Variants in NOP58 observed in about 807,000 individuals in gnomAD.
NOP58 encodes NOP58 ribonucleoprotein.
In NOP58, 44 loss-of-function variants were observed where a neutral mutation model predicts 71.2. That is an observed-to-expected ratio of 0.62 (90% CI 0.49 to 0.79). The LOEUF is 0.79. NOP58 is among the 30% of genes least tolerant of loss of function. The probability of loss-of-function intolerance (pLI) is 0.00; values close to 1 mark genes in which losing one functional copy is unlikely to be tolerated. For missense variants in NOP58, 538 were observed against 620.2 expected, an observed-to-expected ratio of 0.87 and a Z score of 1.41; for synonymous variants, 228 against 200.3, an observed-to-expected ratio of 1.14 and a Z score of -1.17.
chr2:202,303,115 A>G (rs567138247), intron 14 of NOP58, 58 bp downstream of exon 14: 80 of 1,545,442 alleles, frequency 5.2e-5, no homozygotes, highest in African/African-American at 2.8e-4. Flanking sequence ...CTATATTTCA[A>G]TCTATTTTCT....
chr2:202,283,696 C>T (rs1191968457), intron 4 of NOP58, among the ~76,000 whole-genome samples: 1 of 152,054 alleles, frequency 6.6e-6, no homozygotes, highest in Non-Finnish European at 1.5e-5. Flanking sequence ...GCCTCGGCCT[C>T]CCAAAGTGCT....
intron 1 of NOP58, among the ~76,000 whole-genome samples, 153 bp from the exon 2 acceptor site, chr2:202,274,960 A>G (rs967592125): frequency 2.6e-5 from 4 of 152,096 alleles, no homozygotes; most frequent in Non-Finnish European, 5.9e-5. Context: ...TTTGACCAAA[A>G]TTACATGCAG....
In NOP58 at chr2:202,290,341, A is replaced by G. The variant is rs764458432; in HGVS notation, c.518A>G (p.Asp173Gly). Reference protein sequence around the residue: ...VQAISLLDDLDKELNNYIMRC... With the variant: ...VQAISLLDDLGKELNNYIMRC... Reference sequence around the variant, plus strand: ...ACTACAGCCTTGTTAGATGACTTGGATAAAGAACTAAACAACTACATTATG... The same window carrying G: ...ACTACAGCCTTGTTAGATGACTTGGGTAAAGAACTAAACAACTACATTATG... The change falls in exon 7 of 15, where the codon GAT (aspartate) becomes GGT (glycine). Residue 173 changes from aspartate (D) to glycine (G), a missense_variant. Coordinates refer to ENST00000264279, the MANE Select transcript of NOP58 (RefSeq NM_015934.5). 2 of 1,604,858 alleles carry G rather than the reference A, an allele frequency of 1.2e-6. 1 individual carries two copies. The highest frequency in any genetic ancestry group is 2.2e-5 in the South Asian group (2 of 89,374).
At position 202,291,346 on chromosome 2, in the gene NOP58, AT is replaced by A. The variant is rs937205526; in HGVS notation, c.780+81del. On this transcript the variant is annotated intron_variant, in intron 8 of 14. Transcript: ENST00000264279. ...ACTAATTTTTCTGATGGCAATGATG[AT>A]TTTTACACTTATTGTTGTTCACCTG... 3.1e-5 allele frequency: 34 copies of A among 1,092,166 alleles called. No homozygotes were observed. In the Admixed American group the frequency reaches 4.8e-4, roughly 15 times the overall value. The allele number at this position is 1,092,166 out of a possible 1,614,324, so 67.7% of individuals were successfully genotyped here.
At position 202,281,144 on chromosome 2, in the gene NOP58, T is replaced by C. The variant is rs925883665; in HGVS notation, c.176-1207T>C. Among the ~76,000 whole-genome samples the C allele has an allele frequency of 3.3e-5, 5 of 151,948 alleles. No homozygotes were observed. The South Asian group carries it at 8.3e-4, about 25-fold the overall frequency. ...TCTTTTCTTTTTCTTTTTCTTTTTTTTTTTTTAGATGGAGTTTTGCTCTTG... is the reference window on the plus strand; with the variant it reads ...TCTTTTCTTTTTCTTTTTCTTTTTTCTTTTTTAGATGGAGTTTTGCTCTTG... On this transcript the variant is annotated intron_variant, in intron 3 of 14. Coordinates refer to ENST00000264279, the MANE Select transcript of NOP58 (RefSeq NM_015934.5).
Position 202,292,788 on chromosome 2 carries a change from C to A in NOP58, c.792C>A (p.Ile264=). 2 of 1,610,110 alleles carry A rather than the reference C, an allele frequency of 1.2e-6. No homozygotes were observed. Among genetic ancestry groups the A allele is most frequent in the Non-Finnish European group, 1.7e-6 (2 of 1,176,324 alleles). ...ILHLCTQVIE[I]SEYRTQLYEY... ...ATTCCTTATACTAGGTGATTGAAAT[C>A]TCTGAATATCGAACCCAGCTCTATG... is the stretch of plus-strand genomic sequence containing the variant. The change falls in exon 9 of 15, where the codon ATC becomes ATA. Residue 264 remains isoleucine, a synonymous_variant. Coordinates refer to ENST00000264279, the MANE Select transcript of NOP58 (RefSeq NM_015934.5).
intron 8 of NOP58, 94 bp from the exon 9 acceptor site, chr2:202,292,683 T>C (rs1688923968): frequency 1.0e-6 from 1 of 958,556 alleles, no homozygotes; most frequent in Non-Finnish European, 1.7e-6. Context: ...GTGTAGCTGC[T>C]CTTTCATAAT....
intron 3 of NOP58, among the ~76,000 whole-genome samples, chr2:202,279,174 G>GTT (rs1688659278): frequency 6.6e-6 from 1 of 152,196 alleles, no homozygotes; most frequent in Admixed American, 6.6e-5. Flanking sequence ...GATATGAACA[G>GTT]TTCCTAGTCC....
At chr2:202,285,841 A>G (rs1363112100) in intron 5 of NOP58, among the ~76,000 whole-genome samples, 1 of 152,200 alleles carries the variant, frequency 6.6e-6, no homozygotes, top group African/African-American at 2.4e-5. Flanking sequence ...AGTACTGTCA[A>G]ATAGTAATCC....
intron 10 of NOP58, among the ~76,000 whole-genome samples, chr2:202,296,185 TTG>T (rs932598465): frequency 6.6e-5 from 10 of 152,126 alleles, no homozygotes; most frequent in Admixed American, 5.9e-4. Flanking sequence ...CTAAAACACT[TTG>T]AGAGAAGTCA....
intron 4 of NOP58, among the ~76,000 whole-genome samples, chr2:202,283,308 C>A (rs912724968): frequency 1.3e-5 from 2 of 152,244 alleles, no homozygotes; most frequent in East Asian, 3.9e-4. Context: ...CGGCTCACTG[C>A]AACCTCTGCC....
At position 202,297,840 on chromosome 2, in the gene NOP58, CT is replaced by C; in HGVS notation, c.1207-3del. 6.5e-7 allele frequency: 1 copy of C among 1,531,594 alleles called. No individual in the cohort carries two copies. The highest frequency in any genetic ancestry group is 1.9e-5 in the Admixed American group (1 of 51,702). 94.9% of individuals were successfully genotyped at this position (1,531,594 alleles called of 1,614,324 possible). On this transcript the variant is annotated splice_polypyrimidine_tract_variant and splice_region_variant and intron_variant, in intron 11 of 14. Transcript: ENST00000264279. ...TGTATTTGTAATTTTTCGTTTTCTT[CT>C]TAGATAAGAAAAATAAGTGGAACAG...
At chr2:202,285,188 G>A (rs1473231693) in intron 5 of NOP58, among the ~76,000 whole-genome samples, 1 of 151,394 alleles carries the variant, frequency 6.6e-6, no homozygotes, top group African/African-American at 2.4e-5. Flanking sequence ...TTACAAGCGT[G>A]CACCACTACT....
At chr2:202,266,087 C>T in intron 1 of NOP58, 101 bp downstream of exon 1, 1 of 1,355,674 alleles carries the variant, frequency 7.4e-7, no homozygotes, top group South Asian at 1.2e-5. Flanking sequence ...GCGTGGGTGC[C>T]TGTTATAGCC....
intron 12 of NOP58, among the ~76,000 whole-genome samples, chr2:202,299,237 C>T (rs1055647268): frequency 6.6e-6 from 1 of 152,030 alleles, no homozygotes; most frequent in South Asian, 2.1e-4. Flanking sequence ...GGATTACAGG[C>T]GTGAGCCACA....
At chr2:202,274,684 C>T (rs904645529) in intron 1 of NOP58, among the ~76,000 whole-genome samples, 10 of 152,024 alleles carry the variant, frequency 6.6e-5, no homozygotes, top group African/African-American at 2.2e-4. Flanking sequence ...ATCTCATAAA[C>T]CCAGGAGGTG....
At chr2:202,281,627 A>G in intron 3 of NOP58, among the ~76,000 whole-genome samples, 1 of 152,040 alleles carries the variant, frequency 6.6e-6, no homozygotes, top group East Asian at 1.9e-4. Context: ...TTTAGTAGAG[A>G]CAGGGTTTCG....
chr2:202,293,749 T>C (rs973575160), intron 9 of NOP58, among the ~76,000 whole-genome samples: 3 of 152,134 alleles, frequency 2.0e-5, no homozygotes, highest in Non-Finnish European at 2.9e-5. Context: ...AATTTTTATA[T>C]TTTTAGTTGA....
rs1559268123 is a variant in NOP58 at position 202,300,370 on chromosome 2, T to C, written c.1402+3T>C. On this transcript the variant is annotated splice_donor_region_variant and intron_variant, in intron 13 of 14. Coordinates refer to ENST00000264279, the MANE Select transcript of NOP58 (RefSeq NM_015934.5). Reference sequence around the variant, plus strand: ...AAAAGCCAAGATTAAAGTTAAAGGTTAGTTTGAATTTTTTTTTTAACACAA... The same window carrying C: ...AAAAGCCAAGATTAAAGTTAAAGGTCAGTTTGAATTTTTTTTTTAACACAA... The C allele has an allele frequency of 6.3e-7, 1 of 1,577,028 alleles. No homozygotes were observed. Among genetic ancestry groups the C allele is most frequent in the East Asian group, 2.3e-5 (1 of 44,388 alleles).
Sources: gnomAD v4.1 joint callset for allele counts (sites outside exome capture counted in the v4.1 genomes callset) on GRCh38, gnomAD v4.1.1 for gene constraint, MANE v1.5 for transcripts, NCBI Gene and HGNC (gene_info 2026-07-23, HGNC 2026-07-21) for gene names.